RFTN1: variants seen among roughly 807,000 people sequenced by gnomAD.
RFTN1 encodes raftlin, lipid raft linker 1.
Under a neutral mutation model 46.5 loss-of-function variants are expected in RFTN1, and 26 were observed. The observed-to-expected ratio is 0.56, with a 90% CI of 0.41 to 0.78. The LOEUF is 0.78. Among genes scored for constraint, RFTN1 ranks in the 30% least tolerant of loss-of-function variants. RFTN1 has a pLI of 0.00. For synonymous variants in RFTN1, 261 were observed against 284.2 expected, an observed-to-expected ratio of 0.92 and a Z score of 0.82; for missense variants, 693 against 718.7, an observed-to-expected ratio of 0.96 and a Z score of 0.41.
intron 4 of RFTN1, among the ~76,000 whole-genome samples, chr3:16,401,499 C>A (rs969197069): frequency 2.0e-5 from 3 of 152,150 alleles, no homozygotes; most frequent in African/African-American, 7.2e-5. Flanking sequence ...ACCCGGTGGG[C>A]CCCTCCCACT....
intron 7 of RFTN1, chr3:16,349,341 G>A (rs2071938641): frequency 6.6e-6 from 1 of 152,270 alleles, no homozygotes; most frequent in South Asian, 2.1e-4. Context: ...AACCACTGTG[G>A]CTGTAGAGAT....
chr3:16,365,018 G>T (rs1397832774), intron 6 of RFTN1, among the ~76,000 whole-genome samples: 1 of 152,224 alleles, frequency 6.6e-6, no homozygotes, highest in East Asian at 1.9e-4. Context: ...TTACGTGTGT[G>T]CTAAACTGCA....
At chr3:16,454,488 G>C (rs1214216280) in intron 2 of RFTN1, among the ~76,000 whole-genome samples, 1 of 142,362 alleles carries the variant, frequency 7.0e-6, no homozygotes, top group South Asian at 2.2e-4. Context: ...GTCTGAGGAC[G>C]ATTGTGTGAG....
At chr3:16,491,058 A>T (rs2076532452) in intron 2 of RFTN1, among the ~76,000 whole-genome samples, 1 of 152,232 alleles carries the variant, frequency 6.6e-6, no homozygotes, top group Non-Finnish European at 1.5e-5. Flanking sequence ...GACAACAAAG[A>T]GGAAACAAAT....
Position 16,427,109 on chromosome 3 carries a change from C to A in RFTN1, c.332+6742G>T, listed in dbSNP as rs2075302863. The stretch of plus-strand genomic sequence containing the variant: ...AGAAATCTTAGAGGCTGCAAGATGG[C>A]AGCCAGTGGCATGGGTTAGGGACAA... On this transcript the variant is annotated intron_variant, in intron 3 of 9. Coordinates refer to ENST00000334133, the MANE Select transcript of RFTN1 (RefSeq NM_015150.2). The surrounding 1 kb of genome is among the most constrained non-coding windows in gnomAD (Gnocchi z 5.4). Among the ~76,000 whole-genome samples, 3 of 152,182 alleles carry A rather than the reference C, an allele frequency of 2.0e-5. No homozygotes were observed. The highest frequency in any genetic ancestry group is 7.2e-5 in the African/African-American group (3 of 41,434).
In RFTN1 at chr3:16,480,856, T is replaced by A. The variant is rs551297920; in HGVS notation, c.145+12869A>T. ...TACCACTACCTCAAGGCTGCTTTTATGAATCCCTGCAGAAAAATAATTTGG... is the reference window on the plus strand; with the variant it reads ...TACCACTACCTCAAGGCTGCTTTTAAGAATCCCTGCAGAAAAATAATTTGG... On this transcript the variant is annotated intron_variant, in intron 2 of 9. Transcript: ENST00000334133. The surrounding 1 kb of genome is among the most constrained non-coding windows in gnomAD (Gnocchi z 4.3). Among the ~76,000 whole-genome samples the A allele has an allele frequency of 6.6e-6, 1 of 152,342 alleles. No homozygotes were observed. The highest frequency in any genetic ancestry group is 1.9e-4 in the East Asian group (1 of 5,190).
intron 4 of RFTN1, among the ~76,000 whole-genome samples, chr3:16,395,218 C>G (rs12488145): frequency 6.6e-6 from 1 of 152,006 alleles, no homozygotes; most frequent in Non-Finnish European, 1.5e-5. Context: ...AAAATAGGAG[C>G]TTGTCTTTTA....
In RFTN1 at chr3:16,370,050, C is replaced by A; in HGVS notation, c.1030+26G>T. The A allele has an allele frequency of 6.2e-7, 1 of 1,609,718 alleles. No individual in the cohort carries two copies. Among genetic ancestry groups the A allele is most frequent in the East Asian group, 2.2e-5 (1 of 44,850 alleles). On this transcript the variant is annotated intron_variant, in intron 6 of 9. Coordinates refer to ENST00000334133, the MANE Select transcript of RFTN1 (RefSeq NM_015150.2). The surrounding 1 kb of genome is among the most constrained non-coding windows in gnomAD (Gnocchi z 5.5). Reference sequence around the variant, plus strand: ...AGAAGCAGAGTTCACAAAGGGCCACCCAAGGACTGTGAATTCCAAACATAC... The same window carrying A: ...AGAAGCAGAGTTCACAAAGGGCCACACAAGGACTGTGAATTCCAAACATAC...
chr3:16,496,562 T>C (rs1236034255), intron 1 of RFTN1, among the ~76,000 whole-genome samples: 1 of 152,158 alleles, frequency 6.6e-6, no homozygotes, highest in Non-Finnish European at 1.5e-5. Flanking sequence ...TAGCTCGACA[T>C]TTTAAAAACT....
intron 2 of RFTN1, among the ~76,000 whole-genome samples, chr3:16,435,910 A>T (rs2075500564): frequency 1.0e-5 from 1 of 98,760 alleles, no homozygotes; most frequent in Non-Finnish European, 2.0e-5. Flanking sequence ...AAAAAATCAG[A>T]GATGTAAATA....
At chr3:16,325,132 C>G (rs748451466) in intron 8 of RFTN1, among the ~76,000 whole-genome samples, 1 of 152,238 alleles carries the variant, frequency 6.6e-6, no homozygotes, top group Non-Finnish European at 1.5e-5. Context: ...AATATTTACT[C>G]TGCACCTATT....
At chr3:16,430,306 C>A (rs1233136205) in intron 3 of RFTN1, among the ~76,000 whole-genome samples, 1 of 152,116 alleles carries the variant, frequency 6.6e-6, no homozygotes, top group African/African-American at 2.4e-5. Flanking sequence ...GCTACTAGGT[C>A]TCTCTACTTT....
intron 7 of RFTN1, among the ~76,000 whole-genome samples, chr3:16,330,949 C>A (rs1332967396): frequency 2.6e-5 from 4 of 152,182 alleles, no homozygotes; most frequent in African/African-American, 9.7e-5. Flanking sequence ...CTTCTTTTCT[C>A]CTGTGTTTCA....
chr3:16,415,136 A>T (rs946540816), intron 3 of RFTN1, among the ~76,000 whole-genome samples: 8 of 152,070 alleles, frequency 5.3e-5, no homozygotes, highest in Non-Finnish European at 1.0e-4. Flanking sequence ...AGCAGCAGTG[A>T]GAAGTGCTGG....
In RFTN1 at chr3:16,334,170, A is replaced by T. The variant is rs955893786; in HGVS notation, c.1147-7294T>A. Among the ~76,000 whole-genome samples the T allele has an allele frequency of 1.3e-5, 2 of 152,160 alleles. No individual in the cohort carries two copies. The highest frequency in any genetic ancestry group is 2.9e-5 in the Non-Finnish European group (2 of 68,032). ...ACAGAGCAAGACTCTGTCTCAAAAC[A>T]AAAACAAAAACAAAAAACAACAACA... On this transcript the variant is annotated intron_variant, in intron 7 of 9. Transcript: ENST00000334133. This position sits in a 1 kb window ranked among gnomAD's most constrained non-coding sequence, Gnocchi z 4.3.
chr3:16,354,183 T>C (rs2072276884), intron 7 of RFTN1, among the ~76,000 whole-genome samples: 3 of 152,012 alleles, frequency 2.0e-5, no homozygotes, highest in Admixed American at 2.0e-4. Context: ...AGTGGACAAA[T>C]AACAAGGATA....
Position 16,461,430 on chromosome 3 carries a change from G to A in RFTN1, c.146-27393C>T, listed in dbSNP as rs192504632. Among the ~76,000 whole-genome samples the A allele has an allele frequency of 6.6e-5, 10 of 151,708 alleles. No individual in the cohort carries two copies. In the East Asian group the frequency reaches 7.7e-4, roughly 12 times the overall value. ...TAATTAAAAATATATACACATACAC[G>A]TACATAAATACATACACATAAATGT... On this transcript the variant is annotated intron_variant, in intron 2 of 9. Coordinates refer to ENST00000334133, the MANE Select transcript of RFTN1 (RefSeq NM_015150.2).
chr3:16,411,543 G>T (rs1342112300), intron 3 of RFTN1, among the ~76,000 whole-genome samples: 3 of 152,066 alleles, frequency 2.0e-5, no homozygotes, highest in African/African-American at 7.2e-5. Context: ...AATCCCAAAA[G>T]AATAAACCAA....
At chr3:16,326,946 A>G (rs2069764764) in intron 7 of RFTN1, 70 bp from the exon 8 acceptor site, 4 of 1,182,062 alleles carry the variant, frequency 3.4e-6, no homozygotes, top group Middle Eastern at 2.7e-4. Flanking sequence ...AGAGGGGACT[A>G]TTCAGTCTGC....
Sources: gnomAD v4.1 joint callset for allele counts (sites outside exome capture counted in the v4.1 genomes callset) on GRCh38, gnomAD v4.1.1 for gene constraint, Gnocchi (gnomAD v3.1) non-coding constraint, MANE v1.5 for transcripts, NCBI Gene and HGNC (gene_info 2026-07-23, HGNC 2026-07-21) for gene names.